The following MYH3 variants were observed in gnomAD, a reference collection of about 807,000 sequenced individuals.
The protein encoded by MYH3 is myosin heavy chain 3.
MYH3 carries 130 observed loss-of-function variants against 238.0 expected under a neutral mutation model. The ratio of observed to expected loss-of-function variants is 0.55; its 90% CI spans 0.47 to 0.63. MYH3 has a LOEUF of 0.63. MYH3 is among the 30% of genes least tolerant of loss of function. The pLI is 0.00. For missense variants in MYH3, 1,853 were observed against 2,374.9 expected, an observed-to-expected ratio of 0.78 and a Z score of 4.57; for synonymous variants, 880 against 924.1, an observed-to-expected ratio of 0.95 and a Z score of 0.86.
At chr17:10,644,106 G>A (rs570802899) in intron 14 of MYH3, among the ~76,000 whole-genome samples, 3 of 151,664 alleles carry the variant, frequency 2.0e-5, no homozygotes, top group East Asian at 2.0e-4. Context: ...GCAGTGAGCC[G>A]AGATGGCGCC....
intron 17 of MYH3, among the ~76,000 whole-genome samples, chr17:10,641,736 G>C (rs1053416450): frequency 2.6e-5 from 4 of 152,010 alleles, no homozygotes; most frequent in Non-Finnish European, 5.9e-5. Context: ...GGATGGTCTC[G>C]ATCTTCTGAC....
chr17:10,633,911 A>C, intron 32 of MYH3, 106 bp downstream of exon 32: 2 of 1,491,646 alleles, frequency 1.3e-6, no homozygotes, highest in Non-Finnish European at 1.9e-6. Context: ...GTGCATTAAC[A>C]CACATGTGTG....
chr17:10,642,357 T>G lies in MYH3; in HGVS notation c.1889-47A>C. 6.2e-7 allele frequency: 1 copy of G among 1,613,682 alleles called. No homozygotes were observed. The highest frequency in any genetic ancestry group is 8.5e-7 in the Non-Finnish European group (1 of 1,179,630). On this transcript the variant is annotated intron_variant, in intron 16 of 40. Coordinates refer to ENST00000583535, the MANE Select transcript of MYH3 (RefSeq NM_002470.4). This position sits in a 1 kb window ranked among gnomAD's most constrained non-coding sequence, Gnocchi z 5.4. ...ACGTGCTGTAGGTGAATCTAAAAGGTTTTTTGTTACTGTGGAACAAATGGA... is the reference window on the plus strand; with the variant it reads ...ACGTGCTGTAGGTGAATCTAAAAGGGTTTTTGTTACTGTGGAACAAATGGA...
At chr17:10,646,082 C>A (rs771747633) in intron 10 of MYH3, 50 bp from the exon 11 acceptor site, 187 of 1,515,108 alleles carry the variant, frequency 1.2e-4, no homozygotes, top group Non-Finnish European at 1.6e-4. Flanking sequence ...AAGAAAAAAC[C>A]CACCCAGTGG....
intron 19 of MYH3, 70 bp from the exon 20 acceptor site, chr17:10,640,756 A>G (rs1567556843): frequency 1.3e-6 from 2 of 1,564,346 alleles, no homozygotes; most frequent in East Asian, 2.3e-5. Context: ...CATGTAGTTC[A>G]GGCCTCTCTT....
rs1044084479 is a variant in MYH3, at chr17:10,641,025, C to T, written c.2165+60G>A. ...TCTTTTCATACGAATCTTTCTCCCT[C>T]TCAAATTCCAGTGTTCGTACATCTC... On this transcript the variant is annotated intron_variant, in intron 19 of 40. Coordinates refer to ENST00000583535, the MANE Select transcript of MYH3 (RefSeq NM_002470.4). 3.1e-6 allele frequency: 4 copies of T among 1,308,980 alleles called. No homozygotes were observed. The African/African-American group carries it at 5.7e-5, about 19-fold the overall frequency. The allele number at this position is 1,308,980 out of a possible 1,614,324, so 81.1% of individuals were successfully genotyped here. A position where few individuals can be genotyped will look rare whatever the true frequency, so the allele number is the denominator to read the frequency against.
At position 10,635,490 on chromosome 17, in the gene MYH3, T is replaced by C; in HGVS notation, c.4049A>G (p.Glu1350Gly). 1 of 1,614,212 alleles carries C rather than the reference T, an allele frequency of 6.2e-7. No individual in the cohort carries two copies. The highest frequency in any genetic ancestry group is 1.1e-5 in the South Asian group (1 of 91,086). Reference sequence around the variant, plus strand: ...CAGCTCAGCTTTGCCTTCCTGCTCCTCCTCATACTGTTCCCGCAGCAGGTC... The same window carrying C: ...CAGCTCAGCTTTGCCTTCCTGCTCCCCCTCATACTGTTCCCGCAGCAGGTC... ...DCDLLREQYE[E>G]EQEGKAELQR... Residue 1350 changes from glutamate to glycine, a missense_variant, in exon 30 of 41, where the codon GAG becomes GGG. Coordinates refer to ENST00000583535, the MANE Select transcript of MYH3 (RefSeq NM_002470.4).
At chr17:10,650,293 ACT>A in intron 6 of MYH3, 79 bp downstream of exon 6, 1 of 1,430,918 alleles carries the variant, frequency 7.0e-7, no homozygotes, top group Admixed American at 1.7e-5. Flanking sequence ...TTTATTATAG[ACT>A]CTGCTCCAAA....
In MYH3 at chr17:10,632,631, C is replaced by T. The variant is rs764578014; in HGVS notation, c.4801G>A (p.Ala1601Thr). The T allele has an allele frequency of 1.2e-5, 20 of 1,614,152 alleles. No individual in the cohort carries two copies. Among genetic ancestry groups the T allele is most frequent in the Middle Eastern group, 3.3e-4 (2 of 6,060 alleles). ...YQRTVETMQS[A>T]LDAEVRSRNE... is the part of the protein sequence containing the mutation. The stretch of plus-strand genomic sequence containing the variant: ...CTGCTCCGCACCTCGGCGTCCAGGG[C>T]GCTCTGCATGGTTTCCACTGTTCTC... Residue 1601 changes from alanine (A) to threonine (T), a missense_variant, in exon 34 of 41, where the codon GCC (alanine) becomes ACC (threonine). Transcript: ENST00000583535.
rs2074364505 is a variant in MYH3 at position 10,650,494 on chromosome 17, C to T, written c.506-93G>A. On this transcript the variant is annotated intron_variant, in intron 5 of 40. Coordinates refer to ENST00000583535, the MANE Select transcript of MYH3 (RefSeq NM_002470.4). ...CTCAAGTAGCCAGAGTTAAATTGCA[C>T]AATTCCTCTTCCTTTACATTTTTTG... is the stretch of plus-strand genomic sequence containing the variant. The T allele has an allele frequency of 1.1e-5, 13 of 1,146,868 alleles. No individual in the cohort carries two copies. The East Asian group carries it at 2.5e-4, about 22-fold the overall frequency. 71.0% of individuals were successfully genotyped at this position (1,146,868 alleles called of 1,614,324 possible). A position where few individuals can be genotyped will look rare whatever the true frequency, so the allele number is the denominator to read the frequency against.
chr17:10,674,889 T>C, the MYH3 span: 1 of 152,226 alleles, frequency 6.6e-6, no homozygotes, highest in South Asian at 2.1e-4. Context: ...ACAGTGGTAA[T>C]GTCCCTGGCT....
chr17:10,659,865 G>T (rs1189430641), upstream of MYH3, among the ~76,000 whole-genome samples: 1 of 152,240 alleles, frequency 6.6e-6, no homozygotes, highest in Non-Finnish European at 1.5e-5. Flanking sequence ...CTCTCCAGGA[G>T]AAATCCCGCA....
chr17:10,664,466 G>A, the MYH3 span, among the ~76,000 whole-genome samples: 7 of 152,166 alleles, frequency 4.6e-5, no homozygotes, highest in Non-Finnish European at 7.3e-5. Flanking sequence ...AAAGATTAGG[G>A]GATGGACGGT....
chr17:10,659,644 C>G (rs1876726), upstream of MYH3, among the ~76,000 whole-genome samples: 4,788 of 152,310 alleles, frequency 0.031, 111 homozygotes, highest in Middle Eastern at 0.068. Flanking sequence ...CACGTTCCCC[C>G]AGATGAACTG....
chr17:10,665,309 G>A, the MYH3 span, among the ~76,000 whole-genome samples: 488 of 151,918 alleles, frequency 3.2e-3, 3 homozygotes, highest in African/African-American at 0.011. Flanking sequence ...TGCCCAGCTA[G>A]TTTTTGTATT....
rs192402042 is a variant in MYH3 at position 10,648,987 on chromosome 17, T to G, written c.643-338A>C. On this transcript the variant is annotated intron_variant, in intron 7 of 40. Coordinates refer to ENST00000583535, the MANE Select transcript of MYH3 (RefSeq NM_002470.4). ...ACCGAGCCCAGCCTGAGGAAACATG[T>G]TTTTAAGCCACAGAATGACAGTAAA... Among the ~76,000 whole-genome samples, 23 of 152,104 alleles carry G rather than the reference T, an allele frequency of 1.5e-4. No individual in the cohort carries two copies. The East Asian group carries it at 4.4e-3, about 29-fold the overall frequency.
rs2074192075 is a variant in MYH3 at position 10,634,196 on chromosome 17, CG to C, written c.4357-15del. Reference sequence around the variant, plus strand: ...CTCTGCCAACACCTGAAACACCGGACGGAAGTTCTCTCCGTTTCTGAGCTCT... The same window carrying C: ...CTCTGCCAACACCTGAAACACCGGACGAAGTTCTCTCCGTTTCTGAGCTCT... On this transcript the variant is annotated splice_polypyrimidine_tract_variant and intron_variant, in intron 31 of 40. Coordinates refer to ENST00000583535, the MANE Select transcript of MYH3 (RefSeq NM_002470.4). 6.2e-7 allele frequency: 1 copy of C among 1,613,966 alleles called. No individual in the cohort carries two copies. Among genetic ancestry groups the C allele is most frequent in the South Asian group, 1.1e-5 (1 of 91,078 alleles).
intron 10 of MYH3, among the ~76,000 whole-genome samples, chr17:10,646,325 T>C (rs2074321051): frequency 1.3e-5 from 2 of 152,102 alleles, no homozygotes; most frequent in Non-Finnish European, 2.9e-5. Context: ...GAGAAGTTAA[T>C]AGGGAAAACT....
At chr17:10,669,545 T>G in the MYH3 span, among the ~76,000 whole-genome samples, 1 of 134,892 alleles carries the variant, frequency 7.4e-6, no homozygotes. Flanking sequence ...CCAGTCTGGG[T>G]GACAGAGTGA....
Sources: gnomAD v4.1 joint callset for allele counts (sites outside exome capture counted in the v4.1 genomes callset) on GRCh38, gnomAD v4.1.1 for gene constraint, Gnocchi (gnomAD v3.1) non-coding constraint, MANE v1.5 for transcripts, NCBI Gene and HGNC (gene_info 2026-07-23, HGNC 2026-07-21) for gene names.